Variants in NCAPH observed in about 807,000 individuals in gnomAD.
NCAPH encodes the protein condensin complex subunit 2.
A neutral mutation model predicts 85.5 loss-of-function variants in NCAPH; 38 were observed. That is an observed-to-expected ratio of 0.44 (90% confidence interval 0.34 to 0.58). The LOEUF (loss-of-function observed/expected upper bound fraction) is 0.58. Among genes scored for constraint, NCAPH ranks in the 20% least tolerant of loss-of-function variants. The pLI is 0.01. For missense variants in NCAPH, 789 were observed against 916.6 expected, an observed-to-expected ratio of 0.86 and a Z score of 1.80; for synonymous variants, 301 against 335.1, an observed-to-expected ratio of 0.90 and a Z score of 1.11.
intron 9 of NCAPH, among the ~76,000 whole-genome samples, chr2:96,358,482 T>C (rs1173027481): frequency 6.6e-6 from 1 of 152,200 alleles, no homozygotes; most frequent in Non-Finnish European, 1.5e-5. Flanking sequence ...TTCTCTTTTT[T>C]TTTTGAGACG....
Position 96,365,886 on chromosome 2 carries a change from G to A in NCAPH, c.1709G>A (p.Ser570Asn), listed in dbSNP as rs777961145. Residue 570 changes from serine to asparagine, a missense_variant, in exon 14 of 18, where the codon AGT becomes AAT. Transcript: ENST00000240423. ...CTGTTTCTTGCCCAGGCTGCTGACA[G>A]TGATGATGAAGATTTGGATGACTTA... is the stretch of plus-strand genomic sequence containing the variant. ...NFCPGLQAAD[S>N]DDEDLDDLFV... The A allele has an allele frequency of 1.9e-6, 3 of 1,614,110 alleles. No homozygotes were observed. The highest frequency in any genetic ancestry group is 2.5e-6 in the Non-Finnish European group (3 of 1,180,048).
chr2:96,337,604 G>T (rs1019893373), intron 1 of NCAPH, among the ~76,000 whole-genome samples: 5 of 152,126 alleles, frequency 3.3e-5, no homozygotes, highest in Admixed American at 1.3e-4. Flanking sequence ...TATTTTAGTA[G>T]GAACGGGGTT....
chr2:96,340,212 A>G (rs2064272627), intron 1 of NCAPH, among the ~76,000 whole-genome samples: 1 of 151,532 alleles, frequency 6.6e-6, no homozygotes, highest in South Asian at 2.1e-4. Flanking sequence ...TAAACCTTTA[A>G]AGTGTTCCTC....
intron 17 of NCAPH, among the ~76,000 whole-genome samples, chr2:96,370,627 T>TG (rs2064760143): frequency 6.6e-6 from 1 of 152,210 alleles, no homozygotes; most frequent in African/African-American, 2.4e-5. Context: ...GTCAATACCT[T>TG]GCTTAGCTGA....
chr2:96,348,546 T>C (rs1488675033), intron 6 of NCAPH, among the ~76,000 whole-genome samples: 1 of 152,016 alleles, frequency 6.6e-6, no homozygotes, highest in Non-Finnish European at 1.5e-5. Context: ...AGTGGTATTA[T>C]TTATTAGTCA....
At chr2:96,364,650 C>A in intron 13 of NCAPH, 59 bp downstream of exon 13, 2 of 1,192,590 alleles carry the variant, frequency 1.7e-6, no homozygotes, top group African/African-American at 1.5e-5. Context: ...TTTTTCTCTG[C>A]TTCTCATGTC....
intron 15 of NCAPH, 43 bp from the exon 16 acceptor site, chr2:96,368,929 G>A: frequency 6.5e-7 from 1 of 1,530,936 alleles, no homozygotes; most frequent in African/African-American, 1.4e-5. Context: ...TTTCAAAAGT[G>A]CACTAGCCCT....
At chr2:96,358,528 G>C (rs2064555008) in intron 9 of NCAPH, among the ~76,000 whole-genome samples, 1 of 152,112 alleles carries the variant, frequency 6.6e-6, no homozygotes, top group South Asian at 2.1e-4. Flanking sequence ...GAGTGCAGTG[G>C]CGCGATCTCG....
intron 9 of NCAPH, among the ~76,000 whole-genome samples, chr2:96,356,755 G>C (rs1001422441): frequency 6.6e-6 from 1 of 152,106 alleles, no homozygotes; most frequent in Admixed American, 6.5e-5. Context: ...CTGCACCCAG[G>C]GCTGAAAACC....
At chr2:96,343,699 A>G (rs1176141705) in intron 5 of NCAPH, among the ~76,000 whole-genome samples, 1 of 149,266 alleles carries the variant, frequency 6.7e-6, no homozygotes, top group African/African-American at 2.5e-5. Context: ...TTGGGGTTGG[A>G]GTTTTGTTTT....
At chr2:96,355,661 A>C (rs1257258734) in intron 9 of NCAPH, among the ~76,000 whole-genome samples, 1 of 131,240 alleles carries the variant, frequency 7.6e-6, no homozygotes, top group Non-Finnish European at 1.6e-5. Flanking sequence ...TTTTTTTTTG[A>C]GACAGAGTCT....
At chr2:96,369,591 A>G (rs1279391440) in intron 17 of NCAPH, 91 bp downstream of exon 17, 2 of 1,326,132 alleles carry the variant, frequency 1.5e-6, no homozygotes, top group Non-Finnish European at 1.1e-6. Flanking sequence ...ATGGGCTAAC[A>G]TAGGATTTCT....
At chr2:96,358,917 G>A (rs1165944938) in intron 9 of NCAPH, 128 bp from the exon 10 acceptor site, 1 of 859,682 alleles carries the variant, frequency 1.2e-6, no homozygotes, top group Non-Finnish European at 1.7e-6. Context: ...GAAGTAAAAG[G>A]AATTATTAAT....
chr2:96,342,632 G>T, intron 3 of NCAPH, 124 bp from the exon 4 acceptor site: 1 of 769,526 alleles, frequency 1.3e-6, no homozygotes. Flanking sequence ...TTTTTGGGAA[G>T]AGAGATCAGT....
chr2:96,364,032 GCTCAAGCAGTTCTCCCACCTCAGC>G (rs1465694843), intron 12 of NCAPH, among the ~76,000 whole-genome samples: 2 of 152,062 alleles, frequency 1.3e-5, no homozygotes, highest in Admixed American at 6.6e-5. Context: ...AAATTCCTAG[GCTCAAGCAGTTCTCCCACCTCAGC>G]CTCTCAAAAT....
At chr2:96,368,276 C>A (rs1326898828) in intron 15 of NCAPH, among the ~76,000 whole-genome samples, 1 of 152,214 alleles carries the variant, frequency 6.6e-6, no homozygotes, top group Non-Finnish European at 1.5e-5. Context: ...AAGTGTGTGT[C>A]TTTGTCTTAA....
intron 17 of NCAPH, among the ~76,000 whole-genome samples, chr2:96,369,795 G>C (rs931348199): frequency 1.3e-5 from 2 of 152,130 alleles, no homozygotes; most frequent in African/African-American, 4.8e-5. Context: ...TACTTCACGG[G>C]GTGTCAAAGA....
At chr2:96,370,701 G>A (rs772159) in intron 17 of NCAPH, among the ~76,000 whole-genome samples, 94,028 of 152,090 alleles carry the variant, frequency 0.62, 29,702 homozygotes, top group South Asian at 0.88. Flanking sequence ...TGGGTGGGGA[G>A]CAGGTGTAGA....
rs1455575617 is a variant in NCAPH at position 96,373,885 on chromosome 2, C to T, written c.*534C>T. The T allele has an allele frequency of 6.6e-6, 1 of 152,572 alleles. No homozygotes were observed. Among genetic ancestry groups the T allele is most frequent in the Non-Finnish European group, 1.5e-5 (1 of 68,064 alleles). 9.5% of individuals were successfully genotyped at this position (152,572 alleles called of 1,614,324 possible). ...AGATGAGTATCAGACCTAGTCCTTA[C>T]CCTTAGGGGGATGCAGTCCTGGTTG... On this transcript the variant is annotated 3_prime_UTR_variant, in exon 18 of 18. Coordinates refer to ENST00000240423, the MANE Select transcript of NCAPH (RefSeq NM_015341.5).
Sources: gnomAD v4.1 joint callset for allele counts (sites outside exome capture counted in the v4.1 genomes callset) on GRCh38, gnomAD v4.1.1 for gene constraint, MANE v1.5 for transcripts, NCBI Gene and HGNC (gene_info 2026-07-23, HGNC 2026-07-21) for gene names.